The following TUB variants were observed in gnomAD, a reference collection of about 807,000 sequenced individuals.
The protein encoded by TUB is TUB bipartite transcription factor.
A neutral mutation model predicts 59.7 loss-of-function variants in TUB; 33 were observed. The ratio of observed to expected loss-of-function variants is 0.55; its 90% CI spans 0.42 to 0.74. The LOEUF (loss-of-function observed/expected upper bound fraction) is 0.74, where lower values mean the gene tolerates loss of function less well. Among genes scored for constraint, TUB ranks in the 30% least tolerant of loss-of-function variants. The pLI is 0.00. For synonymous variants in TUB, 293 were observed against 256.4 expected, an observed-to-expected ratio of 1.14 and a Z score of -1.36; for missense variants, 659 against 672.0, an observed-to-expected ratio of 0.98 and a Z score of 0.21.
chr11:8,060,946 C>T (rs1179281747), intron 2 of TUB, among the ~76,000 whole-genome samples: 1 of 152,220 alleles, frequency 6.6e-6, no homozygotes, highest in Non-Finnish European at 1.5e-5. Flanking sequence ...TTATGTAGGC[C>T]TGGGCTCTGC....
chr11:8,078,220 T>TC (rs1172784464), upstream of TUB, among the ~76,000 whole-genome samples: 4 of 151,832 alleles, frequency 2.6e-5, no homozygotes, highest in Admixed American at 6.6e-5. Context: ...ATTCCTTCAC[T>TC]CCCCCTCACA....
At chr11:8,084,249 T>C (rs1252967712) in intron 1 of TUB, among the ~76,000 whole-genome samples, 1 of 152,182 alleles carries the variant, frequency 6.6e-6, no homozygotes, top group Admixed American at 6.5e-5. Flanking sequence ...AGAGAAATGA[T>C]AGTTGGTGAT....
chr11:8,038,785 C>T (rs765907749), exon 1 of TUB: 36 of 1,542,960 alleles, frequency 2.3e-5, no homozygotes, highest in Middle Eastern at 1.8e-4. Flanking sequence ...AGTACTGAGG[C>T]GAATACAGGG....
Position 8,028,351 on chromosome 11 carries a change from C to T in TUB, c.56+8993C>T, listed in dbSNP as rs991438361. On this transcript the variant is annotated intron_variant, in intron 1 of 11. Transcript: ENST00000534099. ...CATATTTTCAATATTAAATTCTTCTCAGATGTATGATTTGCAAATGTTTTT... is the reference window on the plus strand; with the variant it reads ...CATATTTTCAATATTAAATTCTTCTTAGATGTATGATTTGCAAATGTTTTT... 4.6e-5 allele frequency among the ~76,000 whole-genome samples: 7 copies of T among 152,260 alleles called. No individual in the cohort carries two copies. In the East Asian group the frequency reaches 1.4e-3, roughly 29 times the overall value.
chr11:8,028,909 G>T (rs761011082), intron 1 of TUB, among the ~76,000 whole-genome samples: 48 of 152,140 alleles, frequency 3.2e-4, no homozygotes, highest in Admixed American at 1.6e-3. Context: ...CTGCTTGGGA[G>T]GCTGAGGTGA....
chr11:8,100,695 A>AG (rs3215364), intron 10 of TUB, 94 bp downstream of exon 10: 658,249 of 1,481,596 alleles, frequency 0.44, 149,964 homozygotes, highest in African/African-American at 0.51. Context: ...GTGTATGTGG[A>AG]GGGGTACCAT....
chr11:8,098,928 G>T lies in TUB; in HGVS notation c.1116+53G>T, dbSNP rs116364698. On this transcript the variant is annotated intron_variant, in intron 9 of 11. Coordinates refer to ENST00000299506, the MANE Select transcript of TUB (RefSeq NM_177972.3). ...TTTCCAAGGTAGATATGAAATCCAG[G>T]ACTTGATGCCTGATCTAGGGGCTAT... The T allele has an allele frequency of 5.3e-6, 7 of 1,323,196 alleles. No individual in the cohort carries two copies. The African/African-American group carries it at 1.0e-4, about 19-fold the overall frequency. 82.0% of individuals were successfully genotyped at this position (1,323,196 alleles called of 1,614,324 possible).
In TUB at chr11:8,096,779, C is replaced by G. The variant is rs1277438697; in HGVS notation, c.660C>G (p.Ser220Arg). 1 of 1,614,184 alleles carries G rather than the reference C, an allele frequency of 6.2e-7. No homozygotes were observed. Among genetic ancestry groups the G allele is most frequent in the East Asian group, 2.2e-5 (1 of 44,880 alleles). Residue 220 changes from serine (S) to arginine (R), a missense_variant, in exon 6 of 12, where the codon AGC (serine) becomes AGG (arginine). By Grantham distance (110) the Ser-to-Arg change is moderately radical. Transcript: ENST00000299506. ...AGCTAAATAGTAACACCCGCCCCAGCTCTGCTACTAGCAGGAAGTCCGTCA... is the reference window on the plus strand; with the variant it reads ...AGCTAAATAGTAACACCCGCCCCAGGTCTGCTACTAGCAGGAAGTCCGTCA... The part of the protein sequence containing the change: ...SSQLNSNTRP[S>R]SATSRKSVRE...
chr11:8,057,520 T>G (rs1414204604), intron 2 of TUB, among the ~76,000 whole-genome samples: 3 of 152,210 alleles, frequency 2.0e-5, no homozygotes, highest in Non-Finnish European at 4.4e-5. Flanking sequence ...CATAAGTGAT[T>G]AACTTCTTTT....
At chr11:8,073,212 C>CT (rs1201218121) in intron 2 of TUB, among the ~76,000 whole-genome samples, 1 of 152,186 alleles carries the variant, frequency 6.6e-6, no homozygotes, top group Admixed American at 6.5e-5. Flanking sequence ...TTTTGGGACT[C>CT]TGCCTCCTCA....
At chr11:8,055,244 G>A (rs1943001300) in intron 2 of TUB, among the ~76,000 whole-genome samples, 1 of 152,140 alleles carries the variant, frequency 6.6e-6, no homozygotes, top group Non-Finnish European at 1.5e-5. Flanking sequence ...AGAGAGAGAG[G>A]TGGGAGGAGA....
At chr11:8,067,665 C>A (rs1384879115) in intron 2 of TUB, 1 of 152,288 alleles carries the variant, frequency 6.6e-6, no homozygotes, top group South Asian at 2.1e-4. Context: ...AAACCCCTGT[C>A]CTCAAGGAGC....
At chr11:8,099,154 C>T (rs957510668) in intron 9 of TUB, among the ~76,000 whole-genome samples, 1 of 152,090 alleles carries the variant, frequency 6.6e-6, no homozygotes, top group Non-Finnish European at 1.5e-5. Flanking sequence ...CAGAAGGAGA[C>T]GGTCGCCCTG....
Position 8,081,224 on chromosome 11 carries a change from C to A in TUB, c.-287C>A. 4 of 279,334 alleles carry A rather than the reference C, an allele frequency of 1.4e-5. No individual in the cohort carries two copies. Among genetic ancestry groups the A allele is most frequent in the Non-Finnish European group, 2.2e-5 (4 of 184,680 alleles). 17.3% of individuals were successfully genotyped at this position (279,334 alleles called of 1,614,324 possible). ...CTGCCACGCAGTACTCCCGCCTTGG[C>A]GCCAGAGGGGCGCGGGACGGTGCGG... On this transcript the variant is annotated 5_prime_UTR_variant, in exon 1 of 12. Coordinates refer to ENST00000299506, the MANE Select transcript of TUB (RefSeq NM_177972.3).
At chr11:8,042,018 T>C (rs1407211789) in intron 2 of TUB, among the ~76,000 whole-genome samples, 1 of 152,214 alleles carries the variant, frequency 6.6e-6, no homozygotes, top group African/African-American at 2.4e-5. Flanking sequence ...AAGTTGCCTG[T>C]TTATAGTGTA....
At chr11:8,056,049 C>G (rs1470987454) in intron 2 of TUB, among the ~76,000 whole-genome samples, 2 of 152,142 alleles carry the variant, frequency 1.3e-5, no homozygotes, top group East Asian at 3.9e-4. Context: ...CTGGGGAGAG[C>G]AGGAAGGAGC....
exon 1 of TUB, chr11:8,038,828 C>G: frequency 1.2e-6 from 2 of 1,601,444 alleles, no homozygotes; most frequent in Non-Finnish European, 1.7e-6. Flanking sequence ...TACTATGCAG[C>G]CTGAAGTGGG....
intron 1 of TUB, among the ~76,000 whole-genome samples, chr11:8,019,973 C>G (rs1215435308): frequency 6.6e-6 from 1 of 152,188 alleles, no homozygotes; most frequent in Non-Finnish European, 1.5e-5. Flanking sequence ...GAGCGGCTGC[C>G]GGCGTGGGCG....
In TUB at chr11:8,095,628, C is replaced by T. The variant is rs1485933617; in HGVS notation, c.528C>T (p.Pro176=). Residue 176 remains proline (P), a synonymous_variant, in exon 5 of 12, where the codon CCC becomes CCT. Coordinates refer to ENST00000299506, the MANE Select transcript of TUB (RefSeq NM_177972.3). ...CGGCAGCTGGTGGGGGCGAACGGCC[C>T]AGCGGGCAGGATCTCCGTGCCACGA... The part of the protein sequence containing the change: ...GETAAGGGER[P]SGQDLRATMQ... The T allele has an allele frequency of 6.2e-7, 1 of 1,609,490 alleles. No individual in the cohort carries two copies. The highest frequency in any genetic ancestry group is 1.3e-5 in the African/African-American group (1 of 75,028).
Sources: allele counts gnomAD v4.1 joint callset (sites outside exome capture counted in the v4.1 genomes callset), GRCh38; gene constraint gnomAD v4.1.1; transcripts MANE v1.5; gene names NCBI Gene and HGNC (gene_info 2026-07-23, HGNC 2026-07-21).